The following ST6GALNAC3 variants were observed in gnomAD, a reference collection of about 807,000 sequenced individuals.
The protein encoded by ST6GALNAC3 is ST6 N-acetylgalactosaminide alpha-2,6-sialyltransferase 3, also known as alpha-N-acetylgalactosaminide alpha-2,6-sialyltransferase 3.
Under a neutral mutation model 32.7 loss-of-function variants are expected in ST6GALNAC3, and 25 were observed. The observed-to-expected ratio is 0.76, with a 90% CI of 0.56 to 1.07. The LOEUF (loss-of-function observed/expected upper bound fraction) is 1.07, where lower values mean the gene tolerates loss of function less well. ST6GALNAC3 is among the 50% of genes least tolerant of loss of function. ST6GALNAC3 has a pLI of 0.00. For synonymous variants in ST6GALNAC3, 129 were observed against 133.1 expected (o/e 0.97, Z 0.21); for missense variants, 355 against 382.4 (o/e 0.93, Z 0.60).
chr1:76,318,573 C>T (rs1457887805), intron 2 of ST6GALNAC3, among the ~76,000 whole-genome samples: 1 of 152,146 alleles, frequency 6.6e-6, no homozygotes, highest in Admixed American at 6.6e-5. Context: ...CTGCCCTCGC[C>T]TCCCTGCTGT....
intron 3 of ST6GALNAC3, among the ~76,000 whole-genome samples, chr1:76,586,481 C>G (rs1275071734): frequency 1.3e-5 from 2 of 152,204 alleles, no homozygotes; most frequent in South Asian, 2.1e-4. Context: ...TCTTTGGACA[C>G]TTCCCAATAT....
chr1:76,517,681 G>C (rs1192741695), intron 3 of ST6GALNAC3, among the ~76,000 whole-genome samples: 2 of 151,608 alleles, frequency 1.3e-5, no homozygotes, highest in African/African-American at 4.8e-5. Flanking sequence ...GCTATTAATT[G>C]GTACATTTTT....
chr1:76,525,791 G>GTATATATATATATATATA lies in ST6GALNAC3; in HGVS notation c.624-101641_624-101624dup, dbSNP rs199721572. Among the ~76,000 whole-genome samples the GTATATATATATATATATA allele has an allele frequency of 2.2e-4, 17 of 75,570 alleles. 1 individual carries two copies. Among genetic ancestry groups the GTATATATATATATATATA allele is most frequent in the Non-Finnish European group, 3.6e-4 (12 of 33,062 alleles). 49.6% of individuals were successfully genotyped at this position (75,570 alleles called of 152,430 possible). On this transcript the variant is annotated intron_variant, in intron 3 of 4. Transcript: ENST00000328299. The stretch of plus-strand genomic sequence containing the variant: ...TGTGTTTGTGTGTGTGTGTGTGTGT[G>GTATATATATATATATATA]TATATATATATATATATATATATAT...
intron 3 of ST6GALNAC3, among the ~76,000 whole-genome samples, chr1:76,609,237 C>A (rs895818317): frequency 1.3e-5 from 2 of 152,038 alleles, no homozygotes; most frequent in African/African-American, 4.8e-5. Flanking sequence ...TCATCATTAA[C>A]ATTTTATGTC....
chr1:76,081,313 G>T (rs1646892958), intron 1 of ST6GALNAC3, among the ~76,000 whole-genome samples: 1 of 147,388 alleles, frequency 6.8e-6, no homozygotes, highest in African/African-American at 2.5e-5. Flanking sequence ...AAAGCAAATC[G>T]CAAAAGAAAT....
chr1:76,541,682 C>T (rs1570183222), intron 3 of ST6GALNAC3, among the ~76,000 whole-genome samples: 1 of 152,154 alleles, frequency 6.6e-6, no homozygotes, highest in Non-Finnish European at 1.5e-5. Flanking sequence ...TAATATGCAC[C>T]CTGTGCTGCA....
At chr1:76,338,644 G>A (rs1487186912) in intron 2 of ST6GALNAC3, among the ~76,000 whole-genome samples, 1 of 152,132 alleles carries the variant, frequency 6.6e-6, no homozygotes, top group Non-Finnish European at 1.5e-5. Context: ...CAACAAGAGA[G>A]TAGAGGCCAA....
chr1:76,113,370 G>T (rs1357401888), intron 1 of ST6GALNAC3, among the ~76,000 whole-genome samples: 1 of 147,258 alleles, frequency 6.8e-6, no homozygotes, highest in East Asian at 2.1e-4. Flanking sequence ...GGGAGGGGGA[G>T]GCCAAATGGC....
At chr1:76,366,136 G>C (rs1245580392) in intron 2 of ST6GALNAC3, among the ~76,000 whole-genome samples, 2 of 151,964 alleles carry the variant, frequency 1.3e-5, no homozygotes, top group Non-Finnish European at 2.9e-5. Context: ...AGAATTTCTT[G>C]CTCCTACACT....
intron 3 of ST6GALNAC3, among the ~76,000 whole-genome samples, chr1:76,574,474 C>T (rs1646768915): frequency 6.6e-6 from 1 of 151,976 alleles, no homozygotes; most frequent in Non-Finnish European, 1.5e-5. Flanking sequence ...CTCCCTGATA[C>T]ATTAAGCAGT....
chr1:76,282,661 C>T (rs1373575733), intron 1 of ST6GALNAC3, among the ~76,000 whole-genome samples: 1 of 152,094 alleles, frequency 6.6e-6, no homozygotes, highest in African/African-American at 2.4e-5. Context: ...TATGTTCAAA[C>T]TAATTTTTTA....
At chr1:76,491,733 T>A (rs565593244) in intron 3 of ST6GALNAC3, among the ~76,000 whole-genome samples, 1 of 152,192 alleles carries the variant, frequency 6.6e-6, no homozygotes, top group Non-Finnish European at 1.5e-5. Flanking sequence ...TTTGTCAGAA[T>A]CTCTTTCACT....
Position 76,475,224 on chromosome 1 carries a change from G to C in ST6GALNAC3, c.623+62807G>C, listed in dbSNP as rs938191820. Among the ~76,000 whole-genome samples, 3 of 152,244 alleles carry C rather than the reference G, an allele frequency of 2.0e-5. No homozygotes were observed. The South Asian group carries it at 6.2e-4, about 32-fold the overall frequency. Reference sequence around the variant, plus strand: ...AAAGGGAGACAGTGTAGTTTAAAGAGGCTACAGTGTAGTGTAGCGGCTTAC... The same window carrying C: ...AAAGGGAGACAGTGTAGTTTAAAGACGCTACAGTGTAGTGTAGCGGCTTAC... On this transcript the variant is annotated intron_variant, in intron 3 of 4. Transcript: ENST00000328299.
intron 1 of ST6GALNAC3, among the ~76,000 whole-genome samples, chr1:76,252,399 T>C (rs1236225188): frequency 6.6e-6 from 1 of 152,228 alleles, no homozygotes; most frequent in Non-Finnish European, 1.5e-5. Flanking sequence ...ATGTTGTGTT[T>C]AGTCAAGTTC....
chr1:76,570,118 A>G (rs920593705), intron 3 of ST6GALNAC3, among the ~76,000 whole-genome samples: 1 of 152,168 alleles, frequency 6.6e-6, no homozygotes, highest in Non-Finnish European at 1.5e-5. Context: ...TCTAATTTAG[A>G]TAGTTAATCC....
intron 2 of ST6GALNAC3, among the ~76,000 whole-genome samples, chr1:76,376,211 C>A (rs1651215127): frequency 6.6e-6 from 1 of 151,880 alleles, no homozygotes; most frequent in African/African-American, 2.4e-5. Flanking sequence ...ATCCAGTTTT[C>A]TCCAATGATA....
At chr1:76,265,724 A>G (rs564468174) in intron 1 of ST6GALNAC3, among the ~76,000 whole-genome samples, 1 of 152,206 alleles carries the variant, frequency 6.6e-6, no homozygotes, top group Non-Finnish European at 1.5e-5. Context: ...TACTTGCCTC[A>G]TAGAGTAATT....
At chr1:76,165,282 T>C (rs1435960230) in intron 1 of ST6GALNAC3, among the ~76,000 whole-genome samples, 1 of 152,194 alleles carries the variant, frequency 6.6e-6, no homozygotes, top group Admixed American at 6.5e-5. Context: ...TGGTTTTCTA[T>C]TACTGCCTTA....
At chr1:76,506,373 C>CT (rs112219145) in intron 3 of ST6GALNAC3, among the ~76,000 whole-genome samples, 7,246 of 152,260 alleles carry the variant, frequency 0.048, 561 homozygotes, top group African/African-American at 0.16. Context: ...ATATCTTGGC[C>CT]TAATGGTCAC....
Sources: allele counts gnomAD v4.1 joint callset (sites outside exome capture counted in the v4.1 genomes callset), GRCh38; gene constraint gnomAD v4.1.1; transcripts MANE v1.5; gene names NCBI Gene and HGNC (gene_info 2026-07-23, HGNC 2026-07-21).